Variants in SLC14A2 observed in about 807,000 individuals in gnomAD.
SLC14A2 encodes urea transporter 2.
A neutral mutation model predicts 104.6 loss-of-function variants in SLC14A2; 91 were observed. That is an observed-to-expected ratio of 0.87 (90% CI 0.73 to 1.04). SLC14A2 has a LOEUF of 1.04. SLC14A2 is among the 50% of genes least tolerant of loss of function. The pLI, the probability that SLC14A2 is intolerant of heterozygous loss-of-function variation, is 0.00. For missense variants in SLC14A2, 1,189 were observed against 1,156.0 expected (o/e 1.03, Z -0.41); for synonymous variants, 476 against 466.4 (o/e 1.02, Z -0.27).
chr18:45,403,677 A>G (rs573031103), intron 1 of SLC14A2, among the ~76,000 whole-genome samples: 25 of 149,870 alleles, frequency 1.7e-4, no homozygotes, highest in African/African-American at 3.9e-4. Flanking sequence ...AACTCTGGGG[A>G]AAAAAAAAAT....
At chr18:45,651,641 G>A (rs191116889) in intron 10 of SLC14A2, among the ~76,000 whole-genome samples, 124 of 152,224 alleles carry the variant, frequency 8.1e-4, no homozygotes, top group African/African-American at 2.9e-3. Context: ...GCTTGTTTGG[G>A]GTGGGTAACC....
chr18:45,455,066 T>C (rs142922234), intron 1 of SLC14A2, among the ~76,000 whole-genome samples: 2 of 152,332 alleles, frequency 1.3e-5, no homozygotes. Flanking sequence ...TTAATGGGGA[T>C]AGAATTGAAT....
At chr18:45,274,553 C>T (rs1312720412) in intron 1 of SLC14A2, among the ~76,000 whole-genome samples, 1 of 152,194 alleles carries the variant, frequency 6.6e-6, no homozygotes, top group Non-Finnish European at 1.5e-5. Context: ...TCTTGTTACG[C>T]TGCCTTTGTT....
chr18:45,177,324 A>G, the SLC14A2 span, among the ~76,000 whole-genome samples: 1 of 152,108 alleles, frequency 6.6e-6, no homozygotes, highest in African/African-American at 2.4e-5. Flanking sequence ...CTGAAGACCA[A>G]TTCTAGCATA....
At chr18:45,333,726 T>C (rs1178620128) in intron 1 of SLC14A2, among the ~76,000 whole-genome samples, 1 of 152,172 alleles carries the variant, frequency 6.6e-6, no homozygotes, top group Non-Finnish European at 1.5e-5. Context: ...ATACGCCTTG[T>C]CAAATTAGAA....
At chr18:45,553,581 C>T (rs2144289567) in intron 2 of SLC14A2, among the ~76,000 whole-genome samples, 1 of 152,210 alleles carries the variant, frequency 6.6e-6, no homozygotes, top group Non-Finnish European at 1.5e-5. Context: ...GGTCAACTTT[C>T]ATTAGATTCT....
intron 1 of SLC14A2, among the ~76,000 whole-genome samples, chr18:45,414,784 A>C (rs1216984822): frequency 7.5e-6 from 1 of 133,808 alleles, no homozygotes; most frequent in Non-Finnish European, 1.6e-5. Context: ...ATATATATAT[A>C]TATATATATA....
intron 2 of SLC14A2, among the ~76,000 whole-genome samples, chr18:45,516,218 C>G (rs1387310399): frequency 6.6e-6 from 1 of 152,182 alleles, no homozygotes; most frequent in Non-Finnish European, 1.5e-5. Flanking sequence ...CCCCTCACTA[C>G]TGTTTCCCTT....
rs1360051908 is a variant in SLC14A2, at chr18:45,414,757, A to AAAAAAAG, written c.-124-68475_-124-68474insAAAAAGA. Among the ~76,000 whole-genome samples, 2 of 76,124 alleles carry AAAAAAAG rather than the reference A, an allele frequency of 2.6e-5. 1 individual carries two copies. The highest frequency in any genetic ancestry group is 7.4e-4 in the South Asian group (2 of 2,688). The allele number at this position is 76,124 out of a possible 152,430, so 49.9% of individuals were successfully genotyped here. The stretch of plus-strand genomic sequence containing the variant: ...AGGCACCGAGCGTAAAAAAAAAAAA[A>AAAAAAAG]ATATATATATATATATATATATATA... On this transcript the variant is annotated intron_variant, in intron 1 of 20. Transcript: ENST00000586448.
At chr18:45,430,903 C>CTGCTG (rs2086504200) in intron 1 of SLC14A2, among the ~76,000 whole-genome samples, 1 of 152,140 alleles carries the variant, frequency 6.6e-6, no homozygotes, top group Non-Finnish European at 1.5e-5. Flanking sequence ...AATGGACACC[C>CTGCTG]AGGGAGACCT....
chr18:45,664,031 C>A, intron 11 of SLC14A2, 124 bp downstream of exon 11: 1 of 1,020,152 alleles, frequency 9.8e-7, no homozygotes, highest in Non-Finnish European at 1.4e-6. Context: ...CTTGACCTCT[C>A]ACACCTGACG....
chr18:45,339,926 C>T (rs971538152), intron 1 of SLC14A2, among the ~76,000 whole-genome samples: 4 of 152,306 alleles, frequency 2.6e-5, no homozygotes, highest in Non-Finnish European at 2.9e-5. Context: ...TGGTCAGCTT[C>T]GCTGTGGTCA....
intron 2 of SLC14A2, among the ~76,000 whole-genome samples, chr18:45,553,913 C>G (rs896504649): frequency 3.9e-5 from 6 of 152,162 alleles, no homozygotes; most frequent in African/African-American, 1.4e-4. Context: ...AAACGCCATA[C>G]AAGGGTTCCC....
At chr18:45,292,541 T>C (rs920390003) in intron 1 of SLC14A2, among the ~76,000 whole-genome samples, 3 of 152,220 alleles carry the variant, frequency 2.0e-5, no homozygotes, top group African/African-American at 7.2e-5. Flanking sequence ...GATCTCATTA[T>C]GGTGCAAGAA....
intron 1 of SLC14A2, chr18:45,435,093 C>T (rs1204735381): frequency 6.6e-6 from 1 of 152,064 alleles, no homozygotes; most frequent in Non-Finnish European, 1.5e-5. Context: ...CCATTTGTCC[C>T]CTCCACCTGG....
At chr18:45,497,504 G>C (rs917071755) in intron 2 of SLC14A2, among the ~76,000 whole-genome samples, 1 of 152,284 alleles carries the variant, frequency 6.6e-6, no homozygotes, top group Non-Finnish European at 1.5e-5. Context: ...AGAGCAGTGG[G>C]GCAAGAGAAT....
chr18:45,175,679 C>T, the SLC14A2 span, among the ~76,000 whole-genome samples: 6 of 152,140 alleles, frequency 3.9e-5, no homozygotes, highest in African/African-American at 9.7e-5. Context: ...ACAAGCTGTT[C>T]GCTGAGACGG....
intron 2 of SLC14A2, among the ~76,000 whole-genome samples, chr18:45,593,619 T>A (rs1025451091): frequency 2.7e-5 from 4 of 150,822 alleles, no homozygotes; most frequent in Non-Finnish European, 5.9e-5. Flanking sequence ...CCTCCCAAGT[T>A]GCTGGGACTA....
At chr18:45,430,782 G>A (rs1433644156) in intron 1 of SLC14A2, among the ~76,000 whole-genome samples, 1 of 152,046 alleles carries the variant, frequency 6.6e-6, no homozygotes, top group African/African-American at 2.4e-5. Flanking sequence ...AAACCAGACA[G>A]AGAAAGAGAG....
Sources: gnomAD v4.1 joint callset for allele counts (sites outside exome capture counted in the v4.1 genomes callset) on GRCh38, gnomAD v4.1.1 for gene constraint, MANE v1.5 for transcripts, NCBI Gene and HGNC (gene_info 2026-07-23, HGNC 2026-07-21) for gene names.